EHBP1: variants seen among roughly 807,000 people sequenced by gnomAD.
The protein encoded by EHBP1 is EH domain binding protein 1.
A neutral mutation model predicts 144.0 loss-of-function variants in EHBP1; 55 were observed. That is an observed-to-expected ratio of 0.38 (90% CI 0.31 to 0.48). EHBP1 has a LOEUF of 0.48. Among genes scored for constraint, EHBP1 ranks in the 20% least tolerant of loss-of-function variants. The pLI is 0.98. For synonymous variants in EHBP1, 469 were observed against 472.7 expected (o/e 0.99, Z 0.10); for missense variants, 1,200 against 1,364.2 (o/e 0.88, Z 1.90).
intron 2 of EHBP1, among the ~76,000 whole-genome samples, chr2:62,743,425 A>T (rs2038894226): frequency 6.6e-6 from 1 of 151,982 alleles, no homozygotes; most frequent in Non-Finnish European, 1.5e-5. Context: ...TTGTGCCTGG[A>T]CTAGGGTAGT....
intron 9 of EHBP1, among the ~76,000 whole-genome samples, chr2:62,872,822 G>A (rs2050594023): frequency 6.6e-6 from 1 of 151,980 alleles, no homozygotes. Flanking sequence ...GACTATTCTG[G>A]ACATTTCACC....
intron 10 of EHBP1, among the ~76,000 whole-genome samples, chr2:62,934,361 A>T (rs2056221478): frequency 6.6e-6 from 1 of 152,114 alleles, no homozygotes; most frequent in Admixed American, 6.6e-5. Flanking sequence ...TGAATATTTG[A>T]ATTTCTTCTT....
chr2:62,730,932 C>T (rs62179276), intron 2 of EHBP1, among the ~76,000 whole-genome samples: 7 of 133,968 alleles, frequency 5.2e-5, no homozygotes, highest in African/African-American at 8.3e-5. Flanking sequence ...GAGAGAGAGA[C>T]AGAGATAGAA....
At chr2:62,906,805 T>C (rs1036034463) in intron 10 of EHBP1, among the ~76,000 whole-genome samples, 21 of 152,192 alleles carry the variant, frequency 1.4e-4, no homozygotes, top group Non-Finnish European at 2.5e-4. Context: ...TCCACTTCTA[T>C]AGTTTTGTCA....
intron 10 of EHBP1, among the ~76,000 whole-genome samples, chr2:62,930,744 A>G (rs185009342): frequency 1.5e-4 from 23 of 152,332 alleles, no homozygotes; most frequent in Non-Finnish European, 2.5e-4. Flanking sequence ...GTGATTTTCA[A>G]CAAGAGAGTC....
Position 62,967,470 on chromosome 2 carries a change from GTATAGATCC to G in EHBP1, c.2461-11715_2461-11707del, listed in dbSNP as rs200734134. ...TTTCTCATTATTGGCAAAAGGCTAG[GTATAGATCC>G]TAGACGATTGGTATTTTCCATTAAA... On this transcript the variant is annotated intron_variant, in intron 14 of 22. Transcript: ENST00000431489. Among the ~76,000 whole-genome samples the G allele has an allele frequency of 0.01, 1,558 of 152,252 alleles. 18 individuals carry two copies. In the Middle Eastern group the frequency reaches 0.12, roughly 12 times the overall value.
At chr2:62,771,255 A>T (rs2041634862) in intron 4 of EHBP1, 84 bp from the exon 5 acceptor site, 2 of 910,856 alleles carry the variant, frequency 2.2e-6, no homozygotes, top group African/African-American at 1.7e-5. Flanking sequence ...AGCTAAAAAC[A>T]AGGCTATATG....
chr2:62,701,787 T>G (rs771557235), upstream of EHBP1, among the ~76,000 whole-genome samples: 3 of 152,220 alleles, frequency 2.0e-5, no homozygotes, highest in African/African-American at 7.2e-5. Context: ...AGTAAATTTG[T>G]CTGCTGTGGG....
chr2:62,917,019 G>A (rs1444002630), intron 10 of EHBP1, among the ~76,000 whole-genome samples: 1 of 151,964 alleles, frequency 6.6e-6, no homozygotes, highest in Non-Finnish European at 1.5e-5. Context: ...TGAGAAATGT[G>A]CCATTAGGCA....
At position 62,705,979 on chromosome 2, in the gene EHBP1, C is replaced by T; in HGVS notation, c.-369C>T. On this transcript the variant is annotated 5_prime_UTR_variant, in exon 1 of 23. Coordinates refer to ENST00000431489, the MANE Select transcript of EHBP1 (RefSeq NM_001142616.3). ...GAGGACTCGGTGGCGGCGGCGGCTG[C>T]TGCTGCGGCGGCGACGGAGGAGCGG... The T allele has an allele frequency of 6.0e-6, 1 of 167,124 alleles. No homozygotes were observed. The highest frequency in any genetic ancestry group is 1.3e-5 in the Non-Finnish European group (1 of 78,864). 10.4% of individuals were successfully genotyped at this position (167,124 alleles called of 1,614,324 possible). A position where few individuals can be genotyped will look rare whatever the true frequency, so the allele number is the denominator to read the frequency against.
At chr2:62,917,828 T>A (rs975429369) in intron 10 of EHBP1, among the ~76,000 whole-genome samples, 3 of 152,122 alleles carry the variant, frequency 2.0e-5, no homozygotes, top group Admixed American at 6.6e-5. Flanking sequence ...TACAGAGGAA[T>A]GTCTCCCAGC....
At chr2:63,002,259 A>G (rs181702568) in intron 19 of EHBP1, among the ~76,000 whole-genome samples, 10 of 152,260 alleles carry the variant, frequency 6.6e-5, no homozygotes, top group Admixed American at 6.5e-4. Flanking sequence ...TTAAAAATAA[A>G]ACTAGTTAAT....
chr2:62,710,069 C>T (rs2151827412), intron 2 of EHBP1, among the ~76,000 whole-genome samples: 1 of 152,086 alleles, frequency 6.6e-6, no homozygotes, highest in Non-Finnish European at 1.5e-5. Flanking sequence ...TAAGACTGGC[C>T]TCTGGAGATG....
intron 5 of EHBP1, among the ~76,000 whole-genome samples, chr2:62,812,553 T>C (rs532421023): frequency 4.6e-5 from 7 of 152,222 alleles, no homozygotes; most frequent in African/African-American, 1.7e-4. Flanking sequence ...CCAGTAGAAA[T>C]GTGGACAGTA....
chr2:62,771,099 A>G (rs985533666), intron 4 of EHBP1, among the ~76,000 whole-genome samples: 5 of 152,160 alleles, frequency 3.3e-5, no homozygotes, highest in African/African-American at 1.2e-4. Context: ...AATCTGTACA[A>G]CAAACTCCTG....
chr2:62,825,139 T>TA (rs1364948963), intron 5 of EHBP1, among the ~76,000 whole-genome samples: 13 of 152,114 alleles, frequency 8.5e-5, no homozygotes, highest in South Asian at 2.1e-4. Context: ...ATTTCTGATT[T>TA]ATGTTATTTA....
intron 2 of EHBP1, among the ~76,000 whole-genome samples, chr2:62,710,016 T>G (rs2034991563): frequency 6.6e-6 from 1 of 152,146 alleles, no homozygotes. Flanking sequence ...CTTGTTGTCC[T>G]TATGTCATTT....
intron 5 of EHBP1, among the ~76,000 whole-genome samples, chr2:62,825,588 A>G (rs1426183533): frequency 1.3e-5 from 2 of 151,948 alleles, no homozygotes; most frequent in African/African-American, 2.4e-5. Context: ...TACAGGATAC[A>G]TAGAATTCAG....
intron 3 of EHBP1, among the ~76,000 whole-genome samples, chr2:62,754,474 A>T (rs1270437696): frequency 6.6e-6 from 1 of 152,202 alleles, no homozygotes; most frequent in Non-Finnish European, 1.5e-5. Context: ...GTCTGTTCTC[A>T]GATCTCAAAC....
Sources: gnomAD v4.1 joint callset for allele counts (sites outside exome capture counted in the v4.1 genomes callset) on GRCh38, gnomAD v4.1.1 for gene constraint, MANE v1.5 for transcripts, NCBI Gene and HGNC (gene_info 2026-07-23, HGNC 2026-07-21) for gene names.